The following MDM4 variants were observed in gnomAD, a reference collection of about 807,000 sequenced individuals.
The protein encoded by MDM4 is MDM4 regulator of p53, also known as protein Mdm4.
MDM4 carries 2 observed loss-of-function variants against 60.2 expected under a neutral mutation model. The ratio of observed to expected loss-of-function variants is 0.03; its 90% confidence interval spans 0.01 to 0.10. The LOEUF (loss-of-function observed/expected upper bound fraction) is 0.10. MDM4 is among the 10% of genes least tolerant of loss of function. The pLI is 1.00. For missense variants in MDM4, 447 were observed against 577.5 expected, an observed-to-expected ratio of 0.77 and a Z score of 2.32; for synonymous variants, 202 against 198.1, an observed-to-expected ratio of 1.02 and a Z score of -0.17.
intron 3 of MDM4, among the ~76,000 whole-genome samples, chr1:204,528,036 G>A (rs964603520): frequency 1.0e-4 from 15 of 147,774 alleles, no homozygotes; most frequent in African/African-American, 2.0e-4. Flanking sequence ...AATTTGACAC[G>A]TAAGACCTTT....
chr1:204,519,622 T>A (rs1659349914), intron 1 of MDM4, among the ~76,000 whole-genome samples: 1 of 151,976 alleles, frequency 6.6e-6, no homozygotes. Context: ...AAAGGATTGC[T>A]TTAGCTCAGA....
rs757563298 is a variant in MDM4 at position 204,553,877 on chromosome 1, A to G, written c.*4195A>G. On this transcript the variant is annotated 3_prime_UTR_variant, in exon 11 of 11. Transcript: ENST00000367182. ...TTCCCCAGTCTACCAATGGAATAGT[A>G]TGGGTTTCTAATCCTAGGCTTGTAC... The G allele has an allele frequency of 4.5e-6, 1 of 221,566 alleles. No individual in the cohort carries two copies. The highest frequency in any genetic ancestry group is 9.0e-6 in the Non-Finnish European group (1 of 110,836). The allele number at this position is 221,566 out of a possible 1,614,324, so 13.7% of individuals were successfully genotyped here. A position where few individuals can be genotyped will look rare whatever the true frequency, so the allele number is the denominator to read the frequency against.
intron 1 of MDM4, among the ~76,000 whole-genome samples, chr1:204,525,038 C>G (rs1659979104): frequency 6.6e-6 from 1 of 152,042 alleles, no homozygotes; most frequent in Non-Finnish European, 1.5e-5. Flanking sequence ...TTCTATGGTC[C>G]TTTGTCAAGA....
intron 7 of MDM4, among the ~76,000 whole-genome samples, chr1:204,542,305 G>A (rs1004449099): frequency 2.0e-5 from 3 of 152,168 alleles, no homozygotes; most frequent in Non-Finnish European, 4.4e-5. Flanking sequence ...ATTATGGTTT[G>A]TATTGCCTTG....
chr1:204,555,924 C>T lies in MDM4; in HGVS notation c.*6242C>T. 6.9e-6 allele frequency: 1 copy of T among 144,510 alleles called. No individual in the cohort carries two copies. The highest frequency in any genetic ancestry group is 9.6e-5 in the East Asian group (1 of 10,412). 9.0% of individuals were successfully genotyped at this position (144,510 alleles called of 1,614,324 possible). The stretch of plus-strand genomic sequence containing the variant: ...GCCCCTAATTTCTTATCTGAAGGCA[C>T]TGTTTTTTTTTTTAAACAGTTAAGT... On this transcript the variant is annotated 3_prime_UTR_variant, in exon 11 of 11. Transcript: ENST00000367182.
chr1:204,520,893 A>T (rs1659506573), intron 1 of MDM4, among the ~76,000 whole-genome samples: 1 of 152,204 alleles, frequency 6.6e-6, no homozygotes, highest in African/African-American at 2.4e-5. Flanking sequence ...TTATGAAAAT[A>T]AAAAGGTAAA....
At chr1:204,523,155 G>C (rs555955187) in intron 1 of MDM4, among the ~76,000 whole-genome samples, 1 of 151,548 alleles carries the variant, frequency 6.6e-6, no homozygotes, top group African/African-American at 2.4e-5. Flanking sequence ...GGGCCAGCGT[G>C]CCCGGCTGAT....
chr1:204,516,827 G>A (rs1659022218), intron 1 of MDM4, among the ~76,000 whole-genome samples: 1 of 152,348 alleles, frequency 6.6e-6, no homozygotes, highest in African/African-American at 2.4e-5. Flanking sequence ...AGGCAATTTG[G>A]AGAAAGGAGG....
In MDM4 at chr1:204,549,211, T is replaced by C; in HGVS notation, c.1002T>C (p.Cys334=). ...TGAGGAAGGATTGGTATTCAGATTG[T>C]TCAAAGTTAACCCATTCTCTCTCCA... ...WALRKDWYSD[C]SKLTHSLSTS... Residue 334 remains cysteine (C), a synonymous_variant, in exon 11 of 11, where the codon TGT becomes TGC. Transcript: ENST00000367182. 1.2e-6 allele frequency: 2 copies of C among 1,613,978 alleles called. No individual in the cohort carries two copies. The highest frequency in any genetic ancestry group is 1.7e-6 in the Non-Finnish European group (2 of 1,179,822).
Position 204,549,497 on chromosome 1 carries a change from T to G in MDM4, c.1288T>G (p.Cys430Gly), listed in dbSNP as rs773722705. Residue 430 changes from cysteine to glycine, a missense_variant, in exon 11 of 11, where the codon TGC (cysteine) becomes GGC (glycine). Physicochemically the swap from Cys to Gly is radical, Grantham distance 159. Around this residue, in one of 8 missense-constraint regions of MDM4, gnomAD observed 117 missense variants for 114.5 expected, o/e 1.02. Coordinates refer to ENST00000367182, the MANE Select transcript of MDM4 (RefSeq NM_002393.5). Reference sequence around the variant, plus strand: ...AACAGATACAGAAAACATGGAGGATTGCCAGAATCTCTTGAAGCCATGTAG... The same window carrying G: ...AACAGATACAGAAAACATGGAGGATGGCCAGAATCTCTTGAAGCCATGTAG... ...QRTDTENMED[C>G]QNLLKPCSLC... 3 of 1,610,398 alleles carry G rather than the reference T, an allele frequency of 1.9e-6. No homozygotes were observed. Among genetic ancestry groups the G allele is most frequent in the Non-Finnish European group, 2.5e-6 (3 of 1,179,000 alleles).
rs2102428942 is a variant in MDM4 at position 204,544,666 on chromosome 1, G to A, written c.804G>A (p.Gly268=). The A allele has an allele frequency of 1.2e-6, 2 of 1,612,404 alleles. No individual in the cohort carries two copies. Among genetic ancestry groups the A allele is most frequent in the Non-Finnish European group, 1.7e-6 (2 of 1,178,780 alleles). The stretch of plus-strand genomic sequence containing the variant: ...CTGAACAAACAAGTGAAGAAGTAGG[G>A]AAAGTAAGTGACAAAAAGGTATGTT... ...ADTEQTSEEV[G]KVSDKKVIEV... The change falls in exon 9 of 11, where the codon GGG becomes GGA. Residue 268 remains glycine (G), a synonymous_variant. Transcript: ENST00000367182.
intron 10 of MDM4, among the ~76,000 whole-genome samples, chr1:204,547,532 T>C (rs1434101191): frequency 6.6e-6 from 1 of 152,210 alleles, no homozygotes; most frequent in Non-Finnish European, 1.5e-5. Context: ...AAGGGGATTT[T>C]ACATTTTGCT....
chr1:204,532,631 A>G (rs1171694600), intron 5 of MDM4: 1 of 785,118 alleles, frequency 1.3e-6, no homozygotes, highest in African/African-American at 1.7e-5. Flanking sequence ...CAGTTATCTC[A>G]AAAATACCTT....
At chr1:204,523,473 ATTTTTTTTTTTTTT>A (rs60954516) in intron 1 of MDM4, among the ~76,000 whole-genome samples, 4 of 58,950 alleles carry the variant, frequency 6.8e-5, no homozygotes, top group Non-Finnish European at 8.4e-5. Context: ...CCTAAAAAAA[ATTTTTTTTTTTTTT>A]TTTTTTTTTT....
intron 6 of MDM4, 59 bp downstream of exon 6, chr1:204,537,556 A>G (rs188023144): frequency 5.2e-4 from 650 of 1,250,592 alleles, no homozygotes; most frequent in Non-Finnish European, 6.9e-4. Context: ...CTCTGTACCT[A>G]TGGATCTTGG....
In MDM4 at chr1:204,538,296, C is replaced by T. The variant is rs1327800677; in HGVS notation, c.499C>T (p.His167Tyr). The T allele has an allele frequency of 1.9e-6, 3 of 1,573,016 alleles. No individual in the cohort carries two copies. The highest frequency in any genetic ancestry group is 2.7e-5 in the African/African-American group (2 of 74,032). ...TLPTSEHKCIHSREDEDLIEN... is the reference protein window; with the variant it reads ...TLPTSEHKCIYSREDEDLIEN... ...GCCTACCTCAGAGCATAAATGCATA[C>T]ATTCTAGAGAAGGTATGTTTTGGAT... The change falls in exon 7 of 11, where the codon CAT becomes TAT. Residue 167 changes from histidine to tyrosine, a missense_variant. This residue lies in a region of MDM4 where 184 missense variants were observed against 179.3 expected (regional missense o/e 1.03). Transcript: ENST00000367182.
chr1:204,533,689 T>G (rs1436468292), intron 5 of MDM4, among the ~76,000 whole-genome samples: 1 of 152,234 alleles, frequency 6.6e-6, no homozygotes, highest in Non-Finnish European at 1.5e-5. Context: ...TTTACTGAAC[T>G]GTCTTTTGCA....
At chr1:204,525,624 T>G (rs1660055374) in intron 2 of MDM4, 28 bp downstream of exon 2, 3 of 1,466,126 alleles carry the variant, frequency 2.0e-6, no homozygotes, top group African/African-American at 2.9e-5. Flanking sequence ...TTTCTAGTTT[T>G]TTGGTTTTTT....
At chr1:204,545,444 G>A (rs1662566176) in intron 9 of MDM4, among the ~76,000 whole-genome samples, 1 of 152,156 alleles carries the variant, frequency 6.6e-6, no homozygotes, top group Non-Finnish European at 1.5e-5. Context: ...AGAAATTGGG[G>A]AGGAGATCCA....
Sources: gnomAD v4.1 joint callset for allele counts (sites outside exome capture counted in the v4.1 genomes callset) on GRCh38, gnomAD v4.1.1 for gene constraint, gnomAD v4.1.1 regional missense constraint, MANE v1.5 for transcripts, NCBI Gene and HGNC (gene_info 2026-07-23, HGNC 2026-07-21) for gene names.